Variants in CLSTN2 observed in about 807,000 individuals in gnomAD.
The protein encoded by CLSTN2 is calsyntenin 2, also known as calsyntenin-2.
Under a neutral mutation model 101.2 loss-of-function variants are expected in CLSTN2, and 48 were observed. The ratio of observed to expected loss-of-function variants is 0.47; its 90% CI spans 0.38 to 0.60. The LOEUF (loss-of-function observed/expected upper bound fraction) is 0.60. Among genes scored for constraint, CLSTN2 ranks in the 20% least tolerant of loss-of-function variants. CLSTN2 has a pLI of 0.00. For missense variants in CLSTN2, 1,160 were observed against 1,238.2 expected (o/e 0.94, Z 0.95); for synonymous variants, 481 against 463.6 (o/e 1.04, Z -0.48).
At chr3:140,393,732 G>A (rs2088148319) in intron 2 of CLSTN2, among the ~76,000 whole-genome samples, 1 of 152,250 alleles carries the variant, frequency 6.6e-6, no homozygotes, top group Admixed American at 6.5e-5. Context: ...AGAGCTGTGG[G>A]CAAATGAGAT....
intron 1 of CLSTN2, among the ~76,000 whole-genome samples, chr3:140,053,278 C>T (rs1426103845): frequency 2.0e-5 from 3 of 152,196 alleles, no homozygotes; most frequent in Admixed American, 6.5e-5. Context: ...TTGGCCCCTT[C>T]AGCCACCACC....
At chr3:140,313,830 C>T (rs763299206) in intron 2 of CLSTN2, among the ~76,000 whole-genome samples, 1 of 152,162 alleles carries the variant, frequency 6.6e-6, no homozygotes, top group Non-Finnish European at 1.5e-5. Flanking sequence ...CTGCCATTGC[C>T]TCAGGCCTTT....
chr3:140,044,837 G>A (rs2007837016), intron 1 of CLSTN2, among the ~76,000 whole-genome samples: 1 of 152,142 alleles, frequency 6.6e-6, no homozygotes, highest in African/African-American at 2.4e-5. Context: ...TAAGTTTATT[G>A]ATTTGCATAT....
intron 2 of CLSTN2, among the ~76,000 whole-genome samples, chr3:140,221,239 GTTTTTCT>G: frequency 6.6e-6 from 1 of 152,158 alleles, no homozygotes; most frequent in Non-Finnish European, 1.5e-5. Flanking sequence ...AACAGAAAGT[GTTTTTCT>G]AAGTTTAATG....
At chr3:140,013,892 C>T (rs147330051) in intron 1 of CLSTN2, among the ~76,000 whole-genome samples, 10 of 122,528 alleles carry the variant, frequency 8.2e-5, no homozygotes, top group East Asian at 4.3e-4. Flanking sequence ...CAGAGCTCAG[C>T]CCTGTGTCAC....
At chr3:140,185,879 G>A (rs1434473992) in intron 2 of CLSTN2, among the ~76,000 whole-genome samples, 1 of 152,094 alleles carries the variant, frequency 6.6e-6, no homozygotes, top group Non-Finnish European at 1.5e-5. Flanking sequence ...TTGCTGAGTG[G>A]TCCTGGTTGT....
chr3:140,490,596 G>GAAA (rs71149081), intron 8 of CLSTN2, among the ~76,000 whole-genome samples: 18,765 of 89,742 alleles, frequency 0.21, 1,840 homozygotes, highest in Non-Finnish European at 0.27. Flanking sequence ...CCTTGTCTCA[G>GAAA]AAAAAAAAAA....
In CLSTN2 at chr3:140,043,965, T is replaced by C. The variant is rs200667670; in HGVS notation, c.109+108482T>C. Reference sequence around the variant, plus strand: ...GTTTGAAGTCAGGTAGCGTGATGCCTCCAGCTTTATTCTTTTGGGTTAGGA... The same window carrying C: ...GTTTGAAGTCAGGTAGCGTGATGCCCCCAGCTTTATTCTTTTGGGTTAGGA... On this transcript the variant is annotated intron_variant, in intron 1 of 16. Coordinates refer to ENST00000458420, the MANE Select transcript of CLSTN2 (RefSeq NM_022131.3). Among the ~76,000 whole-genome samples, 20 of 152,356 alleles carry C rather than the reference T, an allele frequency of 1.3e-4. No homozygotes were observed. The East Asian group carries it at 3.7e-3, about 28-fold the overall frequency.
chr3:140,057,509 A>T (rs1414846789), intron 1 of CLSTN2, among the ~76,000 whole-genome samples: 1 of 152,176 alleles, frequency 6.6e-6, no homozygotes, highest in Non-Finnish European at 1.5e-5. Context: ...ATTTCTTAGC[A>T]TGGAAATGTT....
intron 2 of CLSTN2, among the ~76,000 whole-genome samples, chr3:140,244,392 C>T (rs556437397): frequency 5.3e-5 from 8 of 152,152 alleles, no homozygotes; most frequent in African/African-American, 1.2e-4. Context: ...ACCCTACAAC[C>T]GTCAGGAAAT....
intron 2 of CLSTN2, among the ~76,000 whole-genome samples, chr3:140,324,710 T>C (rs1226354102): frequency 8.5e-5 from 13 of 152,256 alleles, no homozygotes; most frequent in Non-Finnish European, 1.8e-4. Context: ...TCTGCATGTA[T>C]ATTTATATCT....
At chr3:140,474,405 T>G (rs2107747982) in intron 8 of CLSTN2, among the ~76,000 whole-genome samples, 1 of 152,326 alleles carries the variant, frequency 6.6e-6, no homozygotes, top group South Asian at 2.1e-4. Context: ...TCACCAGGCC[T>G]GCTTCCTTAT....
chr3:140,507,238 T>C (rs1341612724), intron 8 of CLSTN2: 1 of 152,228 alleles, frequency 6.6e-6, no homozygotes, highest in Non-Finnish European at 1.5e-5. Context: ...GTTTTACATG[T>C]ATTAACTCAA....
intron 16 of CLSTN2, among the ~76,000 whole-genome samples, chr3:140,564,841 C>A (rs1194742142): frequency 2.6e-5 from 4 of 152,194 alleles, no homozygotes; most frequent in African/African-American, 9.7e-5. Flanking sequence ...AGAATCTATC[C>A]ATGAGTGTCA....
chr3:140,043,876 T>C (rs892823806), intron 1 of CLSTN2, among the ~76,000 whole-genome samples: 1 of 152,206 alleles, frequency 6.6e-6, no homozygotes, highest in Non-Finnish European at 1.5e-5. Context: ...TCTGTTCCAT[T>C]GGTCTATATC....
At position 140,563,068 on chromosome 3, in the gene CLSTN2, C is replaced by T. The variant is rs1935951094; in HGVS notation, c.2359-12C>T. ...CTCCTGGGTCAATAGCACCTCTCCC[C>T]ACTCTTCCCAGGTCAGCATCCTTCA... is the stretch of plus-strand genomic sequence containing the variant. On this transcript the variant is annotated splice_polypyrimidine_tract_variant and intron_variant, in intron 14 of 16. Transcript: ENST00000458420. The T allele has an allele frequency of 1.2e-6, 2 of 1,613,970 alleles. No individual in the cohort carries two copies. The highest frequency in any genetic ancestry group is 1.7e-6 in the Non-Finnish European group (2 of 1,179,932).
chr3:140,236,853 GTGTGTGTGTGTA>G (rs748796269), intron 2 of CLSTN2, among the ~76,000 whole-genome samples: 1,549 of 116,646 alleles, frequency 0.013, 19 homozygotes, highest in South Asian at 0.064. Context: ...GTGTGTGTGT[GTGTGTGTGTGTA>G]TATAAATTTC....
chr3:140,515,417 T>C (rs537363053), intron 8 of CLSTN2, among the ~76,000 whole-genome samples: 44 of 152,246 alleles, frequency 2.9e-4, no homozygotes, highest in African/African-American at 9.9e-4. Flanking sequence ...GTGTCTGGGC[T>C]TGGTTTGTTC....
rs529045022 is a variant in CLSTN2, at chr3:140,481,698, C to T, written c.1344+14967C>T. Among the ~76,000 whole-genome samples, 673 of 152,188 alleles carry T rather than the reference C, an allele frequency of 4.4e-3. 5 individuals carry two copies. The highest frequency in any genetic ancestry group is 0.015 in the African/African-American group (630 of 41,524). On this transcript the variant is annotated intron_variant, in intron 8 of 16. Coordinates refer to ENST00000458420, the MANE Select transcript of CLSTN2 (RefSeq NM_022131.3). ...AAGTTGGATTCCTAGGTATTTTATT[C>T]TCTTTGAAGCAATTGTGAATGGGAG...
Sources: gnomAD v4.1 joint callset for allele counts (sites outside exome capture counted in the v4.1 genomes callset) on GRCh38, gnomAD v4.1.1 for gene constraint, MANE v1.5 for transcripts, NCBI Gene and HGNC (gene_info 2026-07-23, HGNC 2026-07-21) for gene names.